The following PRKCA variants were observed in gnomAD, a reference collection of about 807,000 sequenced individuals.
The protein encoded by PRKCA is protein kinase C alpha.
A neutral mutation model predicts 87.0 loss-of-function variants in PRKCA; 27 were observed. The ratio of observed to expected loss-of-function variants is 0.31; its 90% confidence interval spans 0.23 to 0.43. The LOEUF (loss-of-function observed/expected upper bound fraction) is 0.43, where lower values mean the gene tolerates loss of function less well. PRKCA is among the 20% of genes least tolerant of loss of function. PRKCA has a pLI of 1.00. For synonymous variants in PRKCA, 329 were observed against 311.1 expected, an observed-to-expected ratio of 1.06 and a Z score of -0.61; for missense variants, 518 against 852.3, an observed-to-expected ratio of 0.61 and a Z score of 4.88.
intron 2 of PRKCA, among the ~76,000 whole-genome samples, chr17:66,465,775 G>T (rs569020666): frequency 3.9e-5 from 6 of 152,240 alleles, no homozygotes; most frequent in African/African-American, 7.2e-5. Flanking sequence ...GCTTTAATTC[G>T]AAGAGACAAC....
intron 3 of PRKCA, among the ~76,000 whole-genome samples, chr17:66,544,892 C>T (rs1342059463): frequency 2.0e-5 from 3 of 152,282 alleles, no homozygotes; most frequent in Middle Eastern, 3.4e-3. Context: ...CATGTCCGAC[C>T]ACCAATATCA....
intron 5 of PRKCA, among the ~76,000 whole-genome samples, chr17:66,663,623 A>G (rs1191625501): frequency 6.6e-6 from 1 of 152,184 alleles, no homozygotes; most frequent in East Asian, 1.9e-4. Context: ...TGTCTCTGGT[A>G]TCATCACCTT....
intron 3 of PRKCA, among the ~76,000 whole-genome samples, chr17:66,581,506 C>A (rs979060988): frequency 1.3e-5 from 2 of 152,074 alleles, no homozygotes; most frequent in African/African-American, 4.8e-5. Flanking sequence ...GACAGAGTCT[C>A]TCTCTGTCCC....
chr17:66,527,096 G>A (rs1001021673), intron 3 of PRKCA, among the ~76,000 whole-genome samples: 14 of 152,128 alleles, frequency 9.2e-5, no homozygotes, highest in Non-Finnish European at 1.5e-5. Flanking sequence ...GGCCTGCAGA[G>A]TTGAAAACAT....
intron 3 of PRKCA, among the ~76,000 whole-genome samples, chr17:66,506,182 G>T (rs1229264003): frequency 1.3e-5 from 2 of 151,944 alleles, no homozygotes; most frequent in African/African-American, 4.8e-5. Context: ...TGTTCTCCCG[G>T]TTACTTGGGA....
chr17:66,678,031 GA>G (rs1972384031), intron 5 of PRKCA, among the ~76,000 whole-genome samples: 1 of 152,182 alleles, frequency 6.6e-6, no homozygotes, highest in African/African-American at 2.4e-5. Flanking sequence ...TTAATCCCTG[GA>G]ATCTGTAAAT....
chr17:66,530,765 C>T (rs899130587), intron 3 of PRKCA, among the ~76,000 whole-genome samples: 5 of 152,102 alleles, frequency 3.3e-5, no homozygotes, highest in African/African-American at 7.2e-5. Context: ...CAGGTTTCTG[C>T]GCAGTGCCCC....
chr17:66,793,285 G>A (rs112730182), intron 16 of PRKCA, among the ~76,000 whole-genome samples: 3 of 152,010 alleles, frequency 2.0e-5, no homozygotes, highest in African/African-American at 7.2e-5. Context: ...CAACAAACCC[G>A]AGTCATCAAA....
chr17:66,362,983 T>C (rs541846408), intron 2 of PRKCA, among the ~76,000 whole-genome samples: 1 of 152,304 alleles, frequency 6.6e-6, no homozygotes, highest in East Asian at 1.9e-4. Context: ...TGTGAGCCAC[T>C]GTGCCTGGCT....
At chr17:66,474,813 G>A (rs540664147) in intron 2 of PRKCA, among the ~76,000 whole-genome samples, 4 of 152,148 alleles carry the variant, frequency 2.6e-5, no homozygotes, top group African/African-American at 4.8e-5. Flanking sequence ...TGTGTTGCGC[G>A]TAACCTCGGT....
chr17:66,678,212 A>G (rs1972388986), intron 5 of PRKCA, among the ~76,000 whole-genome samples: 1 of 152,230 alleles, frequency 6.6e-6, no homozygotes, highest in Non-Finnish European at 1.5e-5. Flanking sequence ...TGTGGCCACA[A>G]GCCAAGTCAT....
In PRKCA at chr17:66,575,763, A is replaced by C. The variant is rs1322085937; in HGVS notation, c.289-65592A>C. 3.3e-5 allele frequency among the ~76,000 whole-genome samples: 5 copies of C among 152,114 alleles called. No individual in the cohort carries two copies. The East Asian group carries it at 9.7e-4, about 29-fold the overall frequency. On this transcript the variant is annotated intron_variant, in intron 3 of 16. Coordinates refer to ENST00000413366, the MANE Select transcript of PRKCA (RefSeq NM_002737.3). ...AGTAACACCTGAGGGCAGTGTCTGGATAGAGTAAACCAGCATTCCATGTTA... is the reference window on the plus strand; with the variant it reads ...AGTAACACCTGAGGGCAGTGTCTGGCTAGAGTAAACCAGCATTCCATGTTA...
chr17:66,356,967 C>A (rs1908098380), intron 2 of PRKCA, among the ~76,000 whole-genome samples: 1 of 152,130 alleles, frequency 6.6e-6, no homozygotes, highest in South Asian at 2.1e-4. Context: ...CCATGTTGCC[C>A]ATGCTGGTCT....
At position 66,596,571 on chromosome 17, in the gene PRKCA, CTTTTTTT is replaced by C. The variant is rs10582567; in HGVS notation, c.289-44769_289-44763del. On this transcript the variant is annotated intron_variant, in intron 3 of 16. Transcript: ENST00000413366. ...GTAGGAAATTGAAAAAATATTAAAC[CTTTTTTT>C]TTTTTTTTTTTTTTATTATACTCTA... 2.6e-4 allele frequency among the ~76,000 whole-genome samples: 30 copies of C among 113,862 alleles called. 1 individual carries two copies. The highest frequency in any genetic ancestry group is 1.1e-3 in the African/African-American group (29 of 27,174). 74.7% of individuals were successfully genotyped at this position (113,862 alleles called of 152,430 possible).
At chr17:66,592,557 T>G (rs74315592) in intron 3 of PRKCA, among the ~76,000 whole-genome samples, 3,966 of 152,256 alleles carry the variant, frequency 0.026, 154 homozygotes, top group East Asian at 0.15. Flanking sequence ...ACAGACTTCA[T>G]GTACACAAAG....
At chr17:66,581,845 G>GTTTACTT (rs1380932470) in intron 3 of PRKCA, among the ~76,000 whole-genome samples, 7 of 152,168 alleles carry the variant, frequency 4.6e-5, no homozygotes, top group Non-Finnish European at 8.8e-5. Flanking sequence ...TAGTAAATAT[G>GTTTACTT]GGCAACATGG....
intron 3 of PRKCA, among the ~76,000 whole-genome samples, chr17:66,536,617 G>C (rs374806123): frequency 1.3e-5 from 2 of 152,194 alleles, no homozygotes; most frequent in African/African-American, 4.8e-5. Context: ...TGCAGAAGGG[G>C]GGATGCTGCT....
intron 13 of PRKCA, among the ~76,000 whole-genome samples, chr17:66,765,372 C>G: frequency 7.2e-6 from 1 of 139,712 alleles, no homozygotes; most frequent in South Asian, 2.3e-4. Context: ...GAGATCGTGT[C>G]ATCGTGTCAC....
intron 2 of PRKCA, among the ~76,000 whole-genome samples, chr17:66,333,044 A>G (rs1906447459): frequency 6.6e-6 from 1 of 152,154 alleles, no homozygotes; most frequent in African/African-American, 2.4e-5. Flanking sequence ...TGGCTATTTT[A>G]TAGGACGCTT....
Sources: gnomAD v4.1 joint callset for allele counts (sites outside exome capture counted in the v4.1 genomes callset) on GRCh38, gnomAD v4.1.1 for gene constraint, MANE v1.5 for transcripts, NCBI Gene and HGNC (gene_info 2026-07-23, HGNC 2026-07-21) for gene names.